The following MOB3B variants were observed in gnomAD, a reference collection of about 807,000 sequenced individuals.
MOB3B encodes the protein MOB kinase activator 3B.
Under a neutral mutation model 18.7 loss-of-function variants are expected in MOB3B, and 7 were observed. That is an observed-to-expected ratio of 0.37 (90% CI 0.21 to 0.70). The LOEUF (loss-of-function observed/expected upper bound fraction) is 0.70. Ranked by LOEUF, MOB3B falls within the 30% of genes least tolerant of loss-of-function variation. The pLI, the probability that MOB3B is intolerant of heterozygous loss-of-function variation, is 0.52. For missense variants in MOB3B, 253 were observed against 281.3 expected, an observed-to-expected ratio of 0.90 and a Z score of 0.72; for synonymous variants, 111 against 99.9, an observed-to-expected ratio of 1.11 and a Z score of -0.66.
chr9:27,378,918 T>A (rs1359105563), intron 2 of MOB3B, among the ~76,000 whole-genome samples: 1 of 152,244 alleles, frequency 6.6e-6, no homozygotes, highest in African/African-American at 2.4e-5. Context: ...CTAGCCCACG[T>A]CTTCTGAGCT....
intron 2 of MOB3B, chr9:27,391,712 C>T (rs796906734): frequency 2.6e-5 from 4 of 152,332 alleles, no homozygotes; most frequent in African/African-American, 9.6e-5. Context: ...ACTGATGTCA[C>T]ATACGGAACT....
intron 2 of MOB3B, among the ~76,000 whole-genome samples, chr9:27,371,010 A>G (rs1477690704): frequency 6.6e-6 from 1 of 152,238 alleles, no homozygotes; most frequent in Non-Finnish European, 1.5e-5. Context: ...AGAGAAACGC[A>G]TCTATCAGAT....
At chr9:27,500,910 CA>C (rs1358796352) in intron 1 of MOB3B, among the ~76,000 whole-genome samples, 2 of 151,822 alleles carry the variant, frequency 1.3e-5, no homozygotes, top group Non-Finnish European at 2.9e-5. Flanking sequence ...AAGAAAAAAA[CA>C]AACAACCCCA....
At chr9:27,520,924 G>A (rs1820314878) in intron 1 of MOB3B, among the ~76,000 whole-genome samples, 1 of 152,192 alleles carries the variant, frequency 6.6e-6, no homozygotes, top group South Asian at 2.1e-4. Context: ...CCCAAATATT[G>A]CATGAGTGTT....
intron 3 of MOB3B, among the ~76,000 whole-genome samples, chr9:27,349,094 C>T (rs1010577367): frequency 1.3e-5 from 2 of 152,186 alleles, no homozygotes; most frequent in Non-Finnish European, 2.9e-5. Context: ...GTCTATTGGT[C>T]CATTTACACT....
At chr9:27,333,391 T>C (rs978485781) in intron 3 of MOB3B, among the ~76,000 whole-genome samples, 1 of 151,688 alleles carries the variant, frequency 6.6e-6, no homozygotes, top group Admixed American at 6.6e-5. Flanking sequence ...CAAATGGCAA[T>C]GCTAGGTTCC....
At chr9:27,340,194 G>A (rs1040530615) in intron 3 of MOB3B, among the ~76,000 whole-genome samples, 1 of 152,168 alleles carries the variant, frequency 6.6e-6, no homozygotes, top group Non-Finnish European at 1.5e-5. Context: ...CACGATGGAG[G>A]GGTGCGTGTG....
intron 2 of MOB3B, among the ~76,000 whole-genome samples, chr9:27,400,410 G>A (rs1218100477): frequency 1.3e-5 from 2 of 152,116 alleles, no homozygotes; most frequent in Non-Finnish European, 2.9e-5. Context: ...CCGCCTAGCT[G>A]TGCACATCCT....
At chr9:27,435,217 C>T (rs555417855) in intron 2 of MOB3B, among the ~76,000 whole-genome samples, 2 of 152,078 alleles carry the variant, frequency 1.3e-5, no homozygotes, top group African/African-American at 4.8e-5. Flanking sequence ...CCCCACACTC[C>T]TTTTTTAATT....
At chr9:27,397,074 G>C (rs41272877) in intron 2 of MOB3B, 1 of 152,132 alleles carries the variant, frequency 6.6e-6, no homozygotes, top group Non-Finnish European at 1.5e-5. Context: ...TAGTGGAAAA[G>C]ACCTTTGTCA....
chr9:27,477,555 T>C (rs574919751), intron 1 of MOB3B, among the ~76,000 whole-genome samples: 8 of 152,380 alleles, frequency 5.3e-5, no homozygotes, highest in South Asian at 2.1e-4. Context: ...CCAGCACCTA[T>C]GACAAAGTCA....
chr9:27,528,587 G>A (rs1820476864), intron 1 of MOB3B, among the ~76,000 whole-genome samples: 1 of 152,252 alleles, frequency 6.6e-6, no homozygotes, highest in South Asian at 2.1e-4. Flanking sequence ...GGGATCCCCT[G>A]CCGGAGCTGG....
At chr9:27,498,068 C>A (rs995749643) in intron 1 of MOB3B, among the ~76,000 whole-genome samples, 1 of 152,174 alleles carries the variant, frequency 6.6e-6, no homozygotes, top group Admixed American at 6.5e-5. Flanking sequence ...CAGCTGCCAA[C>A]TCCCCCTCCC....
intron 1 of MOB3B, among the ~76,000 whole-genome samples, chr9:27,518,847 A>G (rs1166160134): frequency 6.6e-6 from 1 of 152,236 alleles, no homozygotes; most frequent in East Asian, 1.9e-4. Context: ...AACTATAAGA[A>G]GTCACACGGC....
intron 1 of MOB3B, among the ~76,000 whole-genome samples, chr9:27,468,060 G>A (rs935127347): frequency 5.9e-5 from 9 of 152,172 alleles, no homozygotes; most frequent in Admixed American, 4.6e-4. Context: ...GAGACTCTTC[G>A]TGACATTAGT....
At chr9:27,485,426 T>TAGA (rs1819717921) in intron 1 of MOB3B, among the ~76,000 whole-genome samples, 2 of 152,192 alleles carry the variant, frequency 1.3e-5, no homozygotes, top group African/African-American at 2.4e-5. Context: ...TCAAGGCCTC[T>TAGA]CCAACACCAC....
At chr9:27,411,980 C>T (rs1347545272) in intron 2 of MOB3B, among the ~76,000 whole-genome samples, 2 of 152,018 alleles carry the variant, frequency 1.3e-5, no homozygotes, top group East Asian at 3.8e-4. Flanking sequence ...AAACCTAAAA[C>T]TGCTCAAAAA....
intron 1 of MOB3B, among the ~76,000 whole-genome samples, chr9:27,493,408 A>G (rs1256644328): frequency 6.6e-6 from 1 of 152,158 alleles, no homozygotes. Context: ...TGGGAGGCCG[A>G]GACGGGAGGA....
intron 2 of MOB3B, among the ~76,000 whole-genome samples, chr9:27,360,587 C>A (rs1300437987): frequency 6.6e-6 from 1 of 152,172 alleles, no homozygotes; most frequent in Non-Finnish European, 1.5e-5. Flanking sequence ...AGCCTTTCAG[C>A]AAAATTGTAG....
Sources: gnomAD v4.1 joint callset for allele counts (sites outside exome capture counted in the v4.1 genomes callset) on GRCh38, gnomAD v4.1.1 for gene constraint, MANE v1.5 for transcripts, NCBI Gene and HGNC (gene_info 2026-07-23, HGNC 2026-07-21) for gene names.